The following HEPH variants were observed in gnomAD, a reference collection of about 807,000 sequenced individuals.
HEPH encodes the protein hephaestin.
A neutral mutation model predicts 80.8 loss-of-function variants in HEPH; 69 were observed. The ratio of observed to expected loss-of-function variants is 0.85; its 90% confidence interval spans 0.70 to 1.04. The LOEUF (loss-of-function observed/expected upper bound fraction) is 1.04, where lower values mean the gene tolerates loss of function less well. HEPH is among the 50% of genes least tolerant of loss of function. The pLI is 0.00. For synonymous variants in HEPH, 431 were observed against 322.8 expected (o/e 1.34, Z -3.60); for missense variants, 1,115 against 891.3 (o/e 1.25, Z -3.20).
At chrX:66,198,405 T>G (rs763424392) in intron 10 of HEPH, among the ~76,000 whole-genome samples, 50 of 112,379 alleles carry the variant, frequency 4.4e-4, no homozygotes, top group African/African-American at 1.6e-3. Context: ...TGAAGATTAA[T>G]TAAAATAACC....
At chrX:66,192,412 G>C in intron 7 of HEPH, 114 bp downstream of exon 7, 1 of 854,940 alleles carries the variant, frequency 1.2e-6, no homozygotes. Flanking sequence ...TCATTGTCTG[G>C]CTGGGGTTAC....
At chrX:66,200,480 G>A in intron 11 of HEPH, 60 bp from the exon 12 acceptor site, 1 of 938,992 alleles carries the variant, frequency 1.1e-6, no homozygotes, top group African/African-American at 1.9e-5. Context: ...CATGCTCCTG[G>A]CCAGTGCTGG....
At chrX:66,228,220 C>T (rs969958735) in intron 15 of HEPH, among the ~76,000 whole-genome samples, 1 of 112,062 alleles carries the variant, frequency 8.9e-6, no homozygotes, top group Non-Finnish European at 1.9e-5. Context: ...TATTGTGAGA[C>T]TTATTTACTA....
At chrX:66,218,115 G>A (rs748449772) in intron 15 of HEPH, among the ~76,000 whole-genome samples, 1 of 111,505 alleles carries the variant, frequency 9.0e-6, no homozygotes, top group East Asian at 2.8e-4. Flanking sequence ...GACAGCACTA[G>A]ATAGGTCATC....
intron 4 of HEPH, among the ~76,000 whole-genome samples, chrX:66,186,273 T>C (rs1366364393): frequency 3.8e-5 from 3 of 78,847 alleles, no homozygotes; most frequent in African/African-American, 3.1e-4. Context: ...TAAGCAAGCC[T>C]GGGCAATGGC....
rs1011249923 is a variant in HEPH at position 66,189,834 on chromosome X, C to A, written c.959C>A (p.Thr320Asn). The change falls in exon 6 of 21, where the codon ACT (threonine) becomes AAT (asparagine). Residue 320 changes from threonine (T) to asparagine (N), a missense_variant. By Grantham distance (65) the Thr-to-Asn change is moderately conservative. Around this residue, in one of 3 missense-constraint regions of HEPH, gnomAD observed 391 missense variants for 343.6 expected, o/e 1.14. Transcript: ENST00000343002. The part of the protein sequence containing the change: ...GQMLTTRGHH[T>N]DVANIFPATF... ...ATGCTGACTACCCGTGGACACCACA[C>A]TGATGTGGCTAACATCTTTCCAGCC... 1 of 1,207,703 alleles carries A rather than the reference C, an allele frequency of 8.3e-7. No homozygotes were observed. The highest frequency in any genetic ancestry group is 3.0e-5 in the East Asian group (1 of 33,744).
intron 1 of HEPH, among the ~76,000 whole-genome samples, chrX:66,166,381 G>C (rs1016250984): frequency 1.8e-5 from 2 of 110,571 alleles, no homozygotes; most frequent in Admixed American, 1.9e-4. Flanking sequence ...TTTTAATAGA[G>C]ATAGGGTTTC....
chrX:66,191,219 C>G (rs1469985147), intron 6 of HEPH, among the ~76,000 whole-genome samples: 1 of 111,715 alleles, frequency 9.0e-6, no homozygotes, highest in Non-Finnish European at 1.9e-5. Flanking sequence ...TTTAACCTGT[C>G]TGACCTTTAG....
chrX:66,217,229 G>A (rs180913913), intron 15 of HEPH, among the ~76,000 whole-genome samples: 23 of 111,171 alleles, frequency 2.1e-4, no homozygotes, highest in Admixed American at 1.3e-3. Flanking sequence ...GTACATAGCT[G>A]TCAGGTTATC....
chrX:66,259,595 G>C (rs993591816), intron 18 of HEPH, among the ~76,000 whole-genome samples: 4 of 111,756 alleles, frequency 3.6e-5, no homozygotes, highest in Non-Finnish European at 7.5e-5. Context: ...TACTTGTTTT[G>C]AACCTTCTAA....
intron 17 of HEPH, among the ~76,000 whole-genome samples, chrX:66,257,701 G>C (rs1276914898): frequency 4.7e-4 from 53 of 111,939 alleles, no homozygotes; most frequent in Non-Finnish European, 5.6e-5. Flanking sequence ...GATTGATGAG[G>C]GAGAGAAAAG....
At chrX:66,230,991 A>G (rs12011343) in intron 15 of HEPH, among the ~76,000 whole-genome samples, 2 of 107,166 alleles carry the variant, frequency 1.9e-5, no homozygotes, top group African/African-American at 6.9e-5. Context: ...AGCTTTCTAC[A>G]TATGGCTAGC....
intron 4 of HEPH, among the ~76,000 whole-genome samples, chrX:66,187,747 T>C (rs2087546890): frequency 1.8e-5 from 2 of 111,605 alleles, no homozygotes; most frequent in Non-Finnish European, 3.8e-5. Flanking sequence ...CCAAAATTCA[T>C]GATGCAAGCC....
intron 15 of HEPH, among the ~76,000 whole-genome samples, chrX:66,212,362 A>G (rs1390320985): frequency 9.1e-6 from 1 of 110,045 alleles, no homozygotes; most frequent in African/African-American, 3.3e-5. Flanking sequence ...CCGTGTGCCT[A>G]TTTTTGGTTT....
chrX:66,223,585 T>A (rs1253182547), intron 15 of HEPH, among the ~76,000 whole-genome samples: 4 of 111,950 alleles, frequency 3.6e-5, no homozygotes, highest in Non-Finnish European at 7.5e-5. Flanking sequence ...AGCAGGTTAG[T>A]GCTTTAAGAA....
At chrX:66,227,676 T>C (rs2089947811) in intron 15 of HEPH, among the ~76,000 whole-genome samples, 1 of 112,118 alleles carries the variant, frequency 8.9e-6, no homozygotes, top group South Asian at 3.7e-4. Flanking sequence ...CTTTATGTTT[T>C]TGTTTGCTTT....
At chrX:66,205,388 C>T (rs2088709028) in intron 13 of HEPH, among the ~76,000 whole-genome samples, 1 of 111,434 alleles carries the variant, frequency 9.0e-6, no homozygotes, top group Non-Finnish European at 1.9e-5. Flanking sequence ...AAATTAATGG[C>T]CTCCAGGTAC....
chrX:66,189,714 C>A lies in HEPH; in HGVS notation c.839C>A (p.Pro280His). 8.3e-7 allele frequency: 1 copy of A among 1,208,270 alleles called. No homozygotes were observed. Among genetic ancestry groups the A allele is most frequent in the Non-Finnish European group, 1.1e-6 (1 of 893,507 alleles). Residue 280 changes from proline to histidine, a missense_variant, in exon 6 of 21, where the codon CCT (proline) becomes CAT (histidine). This residue lies in a region of HEPH where 391 missense variants were observed against 343.6 expected (regional missense o/e 1.14). Coordinates refer to ENST00000343002, the MANE Select transcript of HEPH (RefSeq NM_001367233.3). ...AATGGCTTTGTTTTTGGGAATTTAC[C>A]TGAGCTGAACATGTGTGCACAGAAA... ...AINGFVFGNLPELNMCAQKRV... is the reference protein window; with the variant it reads ...AINGFVFGNLHELNMCAQKRV...
intron 4 of HEPH, among the ~76,000 whole-genome samples, chrX:66,187,705 G>T (rs1012921649): frequency 3.6e-5 from 4 of 111,111 alleles, no homozygotes; most frequent in African/African-American, 1.3e-4. Context: ...GTCCTCTTGG[G>T]ATTCCTGGTG....
Sources: allele counts gnomAD v4.1 joint callset (sites outside exome capture counted in the v4.1 genomes callset), GRCh38; gene constraint gnomAD v4.1.1; regional missense constraint gnomAD v4.1.1; transcripts MANE v1.5; gene names NCBI Gene and HGNC (gene_info 2026-07-23, HGNC 2026-07-21).